Variants in PHACTR1 observed in about 807,000 individuals in gnomAD.
The protein encoded by PHACTR1 is RPEL repeat containing 1.
PHACTR1 carries 16 observed loss-of-function variants against 69.2 expected under a neutral mutation model. The observed-to-expected ratio is 0.23, with a 90% CI of 0.16 to 0.35. PHACTR1 has a LOEUF of 0.35. Ranked by LOEUF, PHACTR1 falls within the 10% of genes least tolerant of loss-of-function variation. The probability of loss-of-function intolerance (pLI) is 1.00; values close to 1 mark genes in which losing one functional copy is unlikely to be tolerated. For missense variants in PHACTR1, 510 were observed against 734.7 expected (o/e 0.69, Z 3.54); for synonymous variants, 312 against 284.5 (o/e 1.10, Z -0.97).
intron 4 of PHACTR1, among the ~76,000 whole-genome samples, chr6:12,753,914 C>T (rs1481580466): frequency 1.3e-5 from 2 of 149,652 alleles, no homozygotes; most frequent in Non-Finnish European, 3.0e-5. Flanking sequence ...CATCACTTAG[C>T]AATGAGAACT....
Position 13,145,477 on chromosome 6 carries a change from T to G in PHACTR1, c.416-14727T>G, listed in dbSNP as rs62389527. On this transcript the variant is annotated intron_variant, in intron 5 of 14. Coordinates refer to ENST00000332995, the MANE Select transcript of PHACTR1 (RefSeq NM_030948.6). ...TAACTGCTAAACTTAATAAAAATGA[T>G]TTAAGAAGTGATCACAGTTTATAAA... Among the ~76,000 whole-genome samples, 160 of 152,326 alleles carry G rather than the reference T, an allele frequency of 1.1e-3. 1 individual carries two copies. The highest frequency in any genetic ancestry group is 2.1e-3 in the Admixed American group (32 of 15,294).
intron 4 of PHACTR1, among the ~76,000 whole-genome samples, chr6:12,805,475 C>T (rs1022015656): frequency 3.3e-5 from 5 of 152,182 alleles, no homozygotes; most frequent in Non-Finnish European, 7.3e-5. Flanking sequence ...TTTCGTTGTA[C>T]TTCCATCTCT....
chr6:13,054,807 G>A (rs1019998299), intron 5 of PHACTR1, among the ~76,000 whole-genome samples: 2 of 152,124 alleles, frequency 1.3e-5, no homozygotes, highest in African/African-American at 4.8e-5. Flanking sequence ...TAAGTCCATG[G>A]CACTTTGTTT....
chr6:12,745,709 A>C (rs1382393817), intron 3 of PHACTR1, among the ~76,000 whole-genome samples: 1 of 152,260 alleles, frequency 6.6e-6, no homozygotes, highest in African/African-American at 2.4e-5. Context: ...ATTAAGAGAC[A>C]AAATACACCA....
chr6:13,046,373 A>C (rs1805045377), intron 4 of PHACTR1, among the ~76,000 whole-genome samples: 1 of 152,172 alleles, frequency 6.6e-6, no homozygotes, highest in South Asian at 2.1e-4. Flanking sequence ...CCATATGCTC[A>C]GCCAGTATCA....
chr6:12,964,452 A>T (rs1688956403), intron 4 of PHACTR1, among the ~76,000 whole-genome samples: 1 of 152,190 alleles, frequency 6.6e-6, no homozygotes, highest in African/African-American at 2.4e-5. Context: ...GGGGAACAGA[A>T]AGAGGGAGGC....
chr6:13,011,348 A>G (rs1213460172), intron 4 of PHACTR1, among the ~76,000 whole-genome samples: 1 of 152,224 alleles, frequency 6.6e-6, no homozygotes, highest in Non-Finnish European at 1.5e-5. Context: ...TGGATACTAT[A>G]TTGCATAGCA....
At position 12,953,377 on chromosome 6, in the gene PHACTR1, A is replaced by G. The variant is rs967170249; in HGVS notation, c.251-99988A>G. On this transcript the variant is annotated intron_variant, in intron 4 of 14. Transcript: ENST00000332995. ...CAAAGCTACAATATTCTCATTCTAC[A>G]CAAAATGCTAGTAAGCTAGTTTTCT... Among the ~76,000 whole-genome samples, 4 of 152,212 alleles carry G rather than the reference A, an allele frequency of 2.6e-5. 1 individual carries two copies. Among genetic ancestry groups the G allele is most frequent in the Admixed American group, 2.0e-4 (3 of 15,282 alleles).
At chr6:13,225,036 A>C (rs1040746010) in intron 8 of PHACTR1, among the ~76,000 whole-genome samples, 1 of 152,148 alleles carries the variant, frequency 6.6e-6, no homozygotes, top group East Asian at 1.9e-4. Flanking sequence ...GGACTCCCCA[A>C]ACTGAGGCCA....
At chr6:13,182,412 C>A in intron 6 of PHACTR1, 107 bp from the exon 7 acceptor site, 1 of 1,266,464 alleles carries the variant, frequency 7.9e-7, no homozygotes, top group Non-Finnish European at 1.2e-6. Flanking sequence ...GTTTCAGAGG[C>A]TGACCTTGAT....
intron 4 of PHACTR1, among the ~76,000 whole-genome samples, chr6:12,879,765 G>T (rs1782898379): frequency 1.3e-5 from 2 of 152,042 alleles, no homozygotes; most frequent in African/African-American, 4.8e-5. Context: ...ACACAGAAAT[G>T]AAGTGTCAAG....
At chr6:12,756,090 CAAA>C (rs1020251613) in intron 4 of PHACTR1, among the ~76,000 whole-genome samples, 6 of 151,392 alleles carry the variant, frequency 4.0e-5, no homozygotes, top group African/African-American at 1.5e-4. Flanking sequence ...AACACTAAAG[CAAA>C]AAAAATGTAA....
At chr6:12,737,598 CTT>C (rs200648359) in intron 3 of PHACTR1, among the ~76,000 whole-genome samples, 3 of 142,934 alleles carry the variant, frequency 2.1e-5, no homozygotes, top group Non-Finnish European at 3.0e-5. Flanking sequence ...TTCTTTCTTT[CTT>C]TTTTTTTTTT....
intron 12 of PHACTR1, chr6:13,280,136 C>T (rs1237865270): frequency 2.0e-5 from 3 of 152,102 alleles, no homozygotes; most frequent in Admixed American, 6.5e-5. Flanking sequence ...TGGTAATGAG[C>T]GAGTAAAGAG....
At chr6:12,891,446 A>T (rs914032685) in intron 4 of PHACTR1, among the ~76,000 whole-genome samples, 6 of 152,214 alleles carry the variant, frequency 3.9e-5, no homozygotes, top group African/African-American at 1.4e-4. Flanking sequence ...CATTACTTAG[A>T]TTGAGACATG....
intron 11 of PHACTR1, 170 bp downstream of exon 11, chr6:13,273,085 A>G: frequency 2.1e-6 from 2 of 960,714 alleles, no homozygotes; most frequent in Admixed American, 2.7e-5. Context: ...GACCTCCCCA[A>G]AGAGAAGGCA....
rs547653312 is a variant in PHACTR1 at position 13,063,612 on chromosome 6, A to C, written c.415+10083A>C. Among the ~76,000 whole-genome samples the C allele has an allele frequency of 4.3e-4, 62 of 143,524 alleles. No homozygotes were observed. The South Asian group carries it at 5.5e-3, about 13-fold the overall frequency. 94.2% of individuals were successfully genotyped at this position (143,524 alleles called of 152,430 possible). A position where few individuals can be genotyped will look rare whatever the true frequency, so the allele number is the denominator to read the frequency against. Reference sequence around the variant, plus strand: ...AACACAGAAAGAGCCCATTACCACAAAAAAAAAAAAATTAAAAATTAGCTG... The same window carrying C: ...AACACAGAAAGAGCCCATTACCACACAAAAAAAAAAATTAAAAATTAGCTG... On this transcript the variant is annotated intron_variant, in intron 5 of 14. Coordinates refer to ENST00000332995, the MANE Select transcript of PHACTR1 (RefSeq NM_030948.6).
chr6:12,752,512 A>G (rs1766747805), intron 4 of PHACTR1, among the ~76,000 whole-genome samples: 1 of 152,164 alleles, frequency 6.6e-6, no homozygotes, highest in African/African-American at 2.4e-5. Context: ...TTTATGTTTA[A>G]TATTTGCTTT....
chr6:13,253,485 C>A (rs1774769670), intron 10 of PHACTR1, among the ~76,000 whole-genome samples: 2 of 152,092 alleles, frequency 1.3e-5, no homozygotes, highest in African/African-American at 4.8e-5. Flanking sequence ...TGTGACAGTC[C>A]CTCTCTATAG....
Sources: gnomAD v4.1 joint callset for allele counts (sites outside exome capture counted in the v4.1 genomes callset) on GRCh38, gnomAD v4.1.1 for gene constraint, MANE v1.5 for transcripts, NCBI Gene and HGNC (gene_info 2026-07-23, HGNC 2026-07-21) for gene names.